Variants in LMTK3 observed in about 807,000 individuals in gnomAD.
LMTK3 encodes the protein lemur tail kinase 3.
LMTK3 carries 27 observed loss-of-function variants against 116.7 expected under a neutral mutation model. That is an observed-to-expected ratio of 0.23 (90% confidence interval 0.17 to 0.32). The LOEUF is 0.32. Among genes scored for constraint, LMTK3 ranks in the 10% least tolerant of loss-of-function variants. The pLI is 1.00. For missense variants in LMTK3, 1,764 were observed against 2,068.5 expected, an observed-to-expected ratio of 0.85 and a Z score of 2.86; for synonymous variants, 965 against 971.0, an observed-to-expected ratio of 0.99 and a Z score of 0.11.
At chr19:48,512,124 G>C (rs1237046147), upstream of LMTK3, among the ~76,000 whole-genome samples, 1 of 152,138 alleles carries the variant, frequency 6.6e-6, no homozygotes, top group African/African-American at 2.4e-5. Flanking sequence ...ATGGACACAT[G>C]TGCTACACGC....
chr19:48,502,358 A>G, intron 7 of LMTK3, 75 bp downstream of exon 7: 1 of 1,421,626 alleles, frequency 7.0e-7, no homozygotes. Flanking sequence ...CCCCCCCTCT[A>G]GCCCCTCCCC....
intron 12 of LMTK3, among the ~76,000 whole-genome samples, chr19:48,493,173 C>T (rs1279502078): frequency 1.3e-5 from 2 of 151,972 alleles, no homozygotes; most frequent in Non-Finnish European, 2.9e-5. Flanking sequence ...CGATCCTAGG[C>T]GCGGTCTCCT....
chr19:48,491,460 G>T lies in LMTK3; in HGVS notation c.4172C>A (p.Thr1391Lys). ...TCCGGGGGTGGCGGGGTGGGGAGGTGTCGGGGGCGCTGGAGGCGTTGACGG... is the reference window on the plus strand; with the variant it reads ...TCCGGGGGTGGCGGGGTGGGGAGGTTTCGGGGGCGCTGGAGGCGTTGACGG... Reference protein sequence around the residue: ...TDPSTPPAPPTPPHPATPGDG... With the variant: ...TDPSTPPAPPKPPHPATPGDG... The change falls in exon 13 of 15, where the codon ACA (threonine) becomes AAA (lysine). Residue 1391 changes from threonine to lysine, a missense_variant. Physicochemically the swap from Thr to Lys is moderately conservative, Grantham distance 78. This residue lies in a region of LMTK3 where 281 missense variants were observed against 301.4 expected (regional missense o/e 0.93). Transcript: ENST00000600059. The surrounding 1 kb of genome is among the most constrained non-coding windows in gnomAD (Gnocchi z 5.1). The T allele has an allele frequency of 7.0e-7, 1 of 1,421,180 alleles. No homozygotes were observed. The highest frequency in any genetic ancestry group is 1.5e-5 in the South Asian group (1 of 64,906). The allele number at this position is 1,421,180 out of a possible 1,614,324, so 88.0% of individuals were successfully genotyped here.
At chr19:48,502,623 G>C in intron 6 of LMTK3, 42 bp from the exon 7 acceptor site, 1 of 1,512,796 alleles carries the variant, frequency 6.6e-7, no homozygotes, top group Non-Finnish European at 8.8e-7. Context: ...CAGCCGCTCA[G>C]GTCTCCAGCT....
At chr19:48,511,468 C>A (rs1182092022) in intron 1 of LMTK3, 33 bp downstream of exon 1, 3 of 1,086,730 alleles carry the variant, frequency 2.8e-6, no homozygotes, top group South Asian at 4.4e-5. Flanking sequence ...GGGGTGGGGG[C>A]CACCGGACAG....
intron 5 of LMTK3, among the ~76,000 whole-genome samples, chr19:48,507,836 A>G (rs763700940): frequency 3.3e-5 from 5 of 152,206 alleles, no homozygotes; most frequent in Non-Finnish European, 7.3e-5. Context: ...AGGGAGAGAC[A>G]GGCAATAAGC....
At position 48,509,419 on chromosome 19, in the gene LMTK3, C is replaced by T. The variant is rs1972620980; in HGVS notation, c.438+18G>A. The stretch of plus-strand genomic sequence containing the variant: ...TCGGGATCCATGGAGCCCTGCCTCC[C>T]CTCCCCAGCCCACTCACCTTCCCAA... On this transcript the variant is annotated intron_variant, in intron 4 of 14. Transcript: ENST00000600059. The T allele has an allele frequency of 6.4e-7, 1 of 1,551,040 alleles. No homozygotes were observed. The highest frequency in any genetic ancestry group is 8.7e-7 in the Non-Finnish European group (1 of 1,146,534).
intron 5 of LMTK3, among the ~76,000 whole-genome samples, chr19:48,504,241 T>C (rs1270290786): frequency 6.6e-6 from 1 of 152,186 alleles, no homozygotes. Flanking sequence ...GGCCTCTGCC[T>C]CAACATCATC....
Position 48,500,752 on chromosome 19 carries a change from CAG to C in LMTK3, c.1151+242_1151+243del, listed in dbSNP as rs1200239885. ...CTGTTTGCGCTGTGAGCTCTGGAAT[CAG>C]ACAGGTAAGAAGCAGGGACCTCTTA... On this transcript the variant is annotated intron_variant, in intron 10 of 14. Transcript: ENST00000600059. The surrounding 1 kb of genome is among the most constrained non-coding windows in gnomAD (Gnocchi z 4.0). Among the ~76,000 whole-genome samples, 1 of 152,174 alleles carries C rather than the reference CAG, an allele frequency of 6.6e-6. No homozygotes were observed. Among genetic ancestry groups the C allele is most frequent in the East Asian group, 1.9e-4 (1 of 5,196 alleles).
At chr19:48,496,490 G>C (rs1972328075) in intron 11 of LMTK3, among the ~76,000 whole-genome samples, 1 of 152,106 alleles carries the variant, frequency 6.6e-6, no homozygotes. Flanking sequence ...ATAGAGACAG[G>C]GTTTTGCCAT....
At chr19:48,488,719 A>G (rs1219324997) in intron 14 of LMTK3, among the ~76,000 whole-genome samples, 1 of 145,282 alleles carries the variant, frequency 6.9e-6, no homozygotes, top group Non-Finnish European at 1.5e-5. Flanking sequence ...CAACCCTTCC[A>G]GTTCCCAGTT....
chr19:48,501,043 A>G lies in LMTK3; in HGVS notation c.1104T>C (p.His368=), dbSNP rs1348985279. 1.3e-6 allele frequency: 2 copies of G among 1,548,258 alleles called. No homozygotes were observed. Among genetic ancestry groups the G allele is most frequent in the Non-Finnish European group, 1.7e-6 (2 of 1,148,814 alleles). ...TGAGCCTCGGCCGGGCCAGCTTCAC[A>G]TGCTGCTGGCGGACCACGAAGGCGA... ...EVLAFVVRQQ[H]VKLARPRLKL... Residue 368 remains histidine (H), a synonymous_variant, in exon 10 of 15, where the codon CAT becomes CAC. Transcript: ENST00000600059.
rs397860073 is a variant in LMTK3 at position 48,490,524 on chromosome 19, CAAAAAAAAAAA to C, written c.4366+573_4366+583del. Among the ~76,000 whole-genome samples, 8 of 48,082 alleles carry C rather than the reference CAAAAAAAAAAA, an allele frequency of 1.7e-4. No individual in the cohort carries two copies. In the East Asian group the frequency reaches 3.0e-3, roughly 18 times the overall value. 31.5% of individuals were successfully genotyped at this position (48,082 alleles called of 152,430 possible). A position where few individuals can be genotyped will look rare whatever the true frequency, so the allele number is the denominator to read the frequency against. Reference sequence around the variant, plus strand: ...TGGGCGACAGAGCGAGACTCCGTCTCAAAAAAAAAAAAAAAAAAAAAAAAATGAGGACGAGG... The same window carrying C: ...TGGGCGACAGAGCGAGACTCCGTCTCAAAAAAAAAAAAAATGAGGACGAGG... On this transcript the variant is annotated intron_variant, in intron 14 of 14. Coordinates refer to ENST00000600059, the MANE Select transcript of LMTK3 (RefSeq NM_001388485.1).
At position 48,498,413 on chromosome 19, in the gene LMTK3, C is replaced by T. The variant is rs781578205; in HGVS notation, c.2656G>A (p.Gly886Arg). The T allele has an allele frequency of 1.2e-6, 2 of 1,609,738 alleles. No individual in the cohort carries two copies. The highest frequency in any genetic ancestry group is 2.7e-5 in the African/African-American group (2 of 74,832). ...GEKGATARET[G>R]PRKAGRGPGN... The stretch of plus-strand genomic sequence containing the variant: ...GGGCCTCTCCCCGCCTTCCTGGGTC[C>T]TGTCTCCCGGGCTGTCGCCCCCTTC... The change falls in exon 11 of 15, where the codon GGA (glycine) becomes AGA (arginine). Residue 886 changes from glycine to arginine, a missense_variant. Coordinates refer to ENST00000600059, the MANE Select transcript of LMTK3 (RefSeq NM_001388485.1).
rs1972452470 is a variant in LMTK3 at position 48,500,888 on chromosome 19, G to C, written c.1151+108C>G. On this transcript the variant is annotated intron_variant, in intron 10 of 14. Coordinates refer to ENST00000600059, the MANE Select transcript of LMTK3 (RefSeq NM_001388485.1). The surrounding 1 kb of genome is among the most constrained non-coding windows in gnomAD (Gnocchi z 4.0). ...GACAGCCCCTCTTCACTCTTGAGGGGTATGGAGGGCAAACGGGATGTGGGT... is the reference window on the plus strand; with the variant it reads ...GACAGCCCCTCTTCACTCTTGAGGGCTATGGAGGGCAAACGGGATGTGGGT... 1.8e-6 allele frequency: 2 copies of C among 1,130,936 alleles called. No homozygotes were observed. The highest frequency in any genetic ancestry group is 3.3e-5 in the South Asian group (2 of 60,566). The allele number at this position is 1,130,936 out of a possible 1,614,324, so 70.1% of individuals were successfully genotyped here.
chr19:48,508,933 C>G lies in LMTK3; in HGVS notation c.475G>C (p.Ala159Pro). 2 of 1,612,398 alleles carry G rather than the reference C, an allele frequency of 1.2e-6. No individual in the cohort carries two copies. Among genetic ancestry groups the G allele is most frequent in the Non-Finnish European group, 1.7e-6 (2 of 1,179,134 alleles). ...CGGAGCTCCTTCACCACCACCTGGG[C>G]GGGGGTGTAGTCGGAGAAAATCTCT... is the stretch of plus-strand genomic sequence containing the variant. ...LGEIFSDYTP[A>P]QVVVKELRAS... Residue 159 changes from alanine to proline, a missense_variant, in exon 5 of 15, where the codon GCC (alanine) becomes CCC (proline). Ala to Pro is a conservative substitution (Grantham distance 27). Around this residue, in one of 7 missense-constraint regions of LMTK3, gnomAD observed 271 missense variants for 478.2 expected, o/e 0.57. Transcript: ENST00000600059.
Position 48,497,394 on chromosome 19 carries a change from T to C in LMTK3, c.3675A>G (p.Lys1225=). 6.6e-7 allele frequency: 1 copy of C among 1,511,474 alleles called. No homozygotes were observed. The highest frequency in any genetic ancestry group is 8.8e-7 in the Non-Finnish European group (1 of 1,133,848). 93.6% of individuals were successfully genotyped at this position (1,511,474 alleles called of 1,614,324 possible). ...GACTGTGCCCCGCAGCCTCCTCACCTTTGATCTGCTCGCTGTTCCCCTGAG... is the reference window on the plus strand; with the variant it reads ...GACTGTGCCCCGCAGCCTCCTCACCCTTGATCTGCTCGCTGTTCCCCTGAG... ...GPPQGNSEQI[K]ARLSRLSLAL... is the part of the protein sequence containing the mutation. The change falls in exon 11 of 15, where the codon AAA becomes AAG. Residue 1225 remains lysine (K), a splice_region_variant and synonymous_variant. Transcript: ENST00000600059. The surrounding 1 kb of genome is among the most constrained non-coding windows in gnomAD (Gnocchi z 5.7).
intron 5 of LMTK3, among the ~76,000 whole-genome samples, chr19:48,503,680 CTT>C (rs1243520405): frequency 6.6e-6 from 1 of 152,182 alleles, no homozygotes; most frequent in East Asian, 1.9e-4. Context: ...AGCGCCGGCT[CTT>C]TGATTCCTCC....
chr19:48,499,099 A>G lies in LMTK3; in HGVS notation c.1970T>C (p.Leu657Pro). 6.4e-7 allele frequency: 1 copy of G among 1,555,554 alleles called. No homozygotes were observed. Among genetic ancestry groups the G allele is most frequent in the Non-Finnish European group, 8.7e-7 (1 of 1,155,554 alleles). The part of the protein sequence containing the change: ...GSSPGEDSSS[L>P]GGGPSRRGPL... ...ACCCCGGCGGCTTGGGCCACCTCCA[A>G]GGCTGCTGCTGTCTTCCCCTGGGGA... The change falls in exon 11 of 15, where the codon CTT becomes CCT. Residue 657 changes from leucine (L) to proline (P), a missense_variant. This residue lies in a region of LMTK3 where 1,028 missense variants were observed against 1,050.6 expected (regional missense o/e 0.98). Coordinates refer to ENST00000600059, the MANE Select transcript of LMTK3 (RefSeq NM_001388485.1).
Sources: gnomAD v4.1 joint callset for allele counts (sites outside exome capture counted in the v4.1 genomes callset) on GRCh38, gnomAD v4.1.1 for gene constraint, gnomAD v4.1.1 regional missense constraint, Gnocchi (gnomAD v3.1) non-coding constraint, MANE v1.5 for transcripts, NCBI Gene and HGNC (gene_info 2026-07-23, HGNC 2026-07-21) for gene names.